ANO2: variants seen among roughly 807,000 people sequenced by gnomAD.
The protein encoded by ANO2 is anoctamin 2.
Under a neutral mutation model 124.2 loss-of-function variants are expected in ANO2, and 101 were observed. The observed-to-expected ratio is 0.81, with a 90% CI of 0.69 to 0.96. ANO2 has a LOEUF of 0.96. Among genes scored for constraint, ANO2 ranks in the 40% least tolerant of loss-of-function variants. The probability of loss-of-function intolerance (pLI) is 0.00; values close to 1 mark genes in which losing one functional copy is unlikely to be tolerated. For synonymous variants in ANO2, 486 were observed against 482.5 expected (o/e 1.01, Z -0.09); for missense variants, 1,293 against 1,274.5 (o/e 1.01, Z -0.22).
At chr12:5,764,966 T>C (rs1223497985) in intron 10 of ANO2, among the ~76,000 whole-genome samples, 1 of 151,820 alleles carries the variant, frequency 6.6e-6, no homozygotes, top group Non-Finnish European at 1.5e-5. Flanking sequence ...AAGGAAGGAA[T>C]AGGATATTGT....
intron 14 of ANO2, 48 bp downstream of exon 14, chr12:5,732,472 G>T: frequency 6.6e-7 from 1 of 1,516,422 alleles, no homozygotes. Flanking sequence ...ATGACAACAG[G>T]ATCTCAACAA....
At chr12:5,850,285 G>C (rs56341078) in intron 4 of ANO2, among the ~76,000 whole-genome samples, 29,266 of 151,632 alleles carry the variant, frequency 0.19, 3,246 homozygotes, top group Non-Finnish European at 0.24. Context: ...GCGTGGTGGC[G>C]CGTACTTATA....
rs1233068338 is a variant in ANO2, at chr12:5,635,997, G to C, written c.1621-650C>G. Among the ~76,000 whole-genome samples the C allele has an allele frequency of 6.6e-6, 1 of 152,146 alleles. No individual in the cohort carries two copies. Among genetic ancestry groups the C allele is most frequent in the South Asian group, 2.1e-4 (1 of 4,822 alleles). ...AAGGAGAAAAGAGGGAATACATCAG[G>C]AGTGAGATTTTAGGAATCTCAGTCC... On this transcript the variant is annotated intron_variant, in intron 15 of 24. Coordinates refer to ENST00000682330, the MANE Select transcript of ANO2 (RefSeq NM_001364791.2). This position sits in a 1 kb window ranked among gnomAD's most constrained non-coding sequence, Gnocchi z 5.2.
intron 1 of ANO2, among the ~76,000 whole-genome samples, chr12:5,923,150 ATACACACACG>A (rs1459596471): frequency 7.1e-5 from 8 of 113,304 alleles, no homozygotes; most frequent in African/African-American, 2.4e-4. Flanking sequence ...ACATGCACAC[ATACACACACG>A]CATACACACA....
intron 4 of ANO2, among the ~76,000 whole-genome samples, chr12:5,834,955 C>T (rs1053089192): frequency 3.3e-5 from 5 of 152,118 alleles, no homozygotes; most frequent in Non-Finnish European, 7.3e-5. Flanking sequence ...AGATATCTTT[C>T]CAGGACAGTT....
In ANO2 at chr12:5,616,823, C is replaced by T. The variant is rs79524145; in HGVS notation, c.1817-1526G>A. 5.5e-3 allele frequency among the ~76,000 whole-genome samples: 845 copies of T among 152,256 alleles called. 3 individuals carry two copies. The highest frequency in any genetic ancestry group is 0.019 in the African/African-American group (792 of 41,528). Reference sequence around the variant, plus strand: ...TATATAGGTGAGTTACTACCACACTCTCCAGATCAGACTGTACAACACTCT... The same window carrying T: ...TATATAGGTGAGTTACTACCACACTTTCCAGATCAGACTGTACAACACTCT... On this transcript the variant is annotated intron_variant, in intron 16 of 24. Transcript: ENST00000682330.
chr12:5,618,248 C>T (rs1377160433), intron 16 of ANO2, among the ~76,000 whole-genome samples: 3 of 152,158 alleles, frequency 2.0e-5, no homozygotes, highest in Non-Finnish European at 2.9e-5. Context: ...TGAACCTGCT[C>T]CCACAATCAG....
chr12:5,815,150 A>T (rs1456587771), intron 7 of ANO2, among the ~76,000 whole-genome samples: 1 of 152,244 alleles, frequency 6.6e-6, no homozygotes, highest in East Asian at 1.9e-4. Context: ...AATAGATCTC[A>T]CAAAACCTAC....
In ANO2 at chr12:5,832,621, A is replaced by G. The variant is rs1341704264; in HGVS notation, c.634-18T>C. 8 of 1,603,086 alleles carry G rather than the reference A, an allele frequency of 5.0e-6. No individual in the cohort carries two copies. The African/African-American group carries it at 6.7e-5, about 13-fold the overall frequency. On this transcript the variant is annotated intron_variant, in intron 4 of 24. Coordinates refer to ENST00000682330, the MANE Select transcript of ANO2 (RefSeq NM_001364791.2). ...TCGTACATCTATGAAAGGAAGAGCC[A>G]CAGGTCTGAAAAGGGGGCCACTTCC...
chr12:5,757,174 C>A lies in ANO2; in HGVS notation c.1056-6204G>T, dbSNP rs569951882. ...ATTTTGTATATAGATGGTTGCTAAA[C>A]AGGTGTTTCAGTAGAAGGGTGAGGC... On this transcript the variant is annotated intron_variant, in intron 10 of 24. Transcript: ENST00000682330. Among the ~76,000 whole-genome samples, 15 of 152,346 alleles carry A rather than the reference C, an allele frequency of 9.8e-5. No homozygotes were observed. In the East Asian group the frequency reaches 2.9e-3, roughly 29 times the overall value.
At position 5,908,415 on chromosome 12, in the gene ANO2, C is replaced by T. The variant is rs1378777704; in HGVS notation, c.534+12625G>A. 6.6e-6 allele frequency among the ~76,000 whole-genome samples: 1 copy of T among 152,144 alleles called. No individual in the cohort carries two copies. Among genetic ancestry groups the T allele is most frequent in the Non-Finnish European group, 1.5e-5 (1 of 68,054 alleles). ...ATTCCTGAGTGGAAACTCAACAAGG[C>T]AGTAATACGAACACCAGCAGTCACC... is the stretch of plus-strand genomic sequence containing the variant. On this transcript the variant is annotated intron_variant, in intron 3 of 24. Transcript: ENST00000682330. The surrounding 1 kb of genome is among the most constrained non-coding windows in gnomAD (Gnocchi z 4.7).
At chr12:5,643,390 T>C (rs1946479489) in intron 15 of ANO2, among the ~76,000 whole-genome samples, 1 of 152,246 alleles carries the variant, frequency 6.6e-6, no homozygotes, top group South Asian at 2.1e-4. Flanking sequence ...GTTTGCTCAT[T>C]TTCATGACTG....
intron 3 of ANO2, among the ~76,000 whole-genome samples, chr12:5,914,913 C>T (rs76538121): frequency 0.069 from 10,533 of 152,216 alleles, 550 homozygotes; most frequent in South Asian, 0.22. Flanking sequence ...CTGCCCTGCT[C>T]GCTCTCTGGG....
chr12:5,806,948 G>C (rs1459294784), intron 8 of ANO2, among the ~76,000 whole-genome samples: 1 of 152,208 alleles, frequency 6.6e-6, no homozygotes, highest in Non-Finnish European at 1.5e-5. Flanking sequence ...ACGCCTTTCA[G>C]TCTCCTTCCA....
chr12:5,919,968 A>G (rs1941602178), intron 3 of ANO2, among the ~76,000 whole-genome samples: 1 of 151,796 alleles, frequency 6.6e-6, no homozygotes, highest in South Asian at 2.1e-4. Context: ...AAGTGCTGGG[A>G]TTACAGGCGT....
chr12:5,582,870 G>C (rs1942830258), intron 20 of ANO2, among the ~76,000 whole-genome samples: 1 of 151,954 alleles, frequency 6.6e-6, no homozygotes, highest in African/African-American at 2.4e-5. Flanking sequence ...CTCAAACTTC[G>C]CCTTCTGTAT....
rs1946719036 is a variant in ANO2, at chr12:5,647,775, C to T, written c.1572G>A (p.Lys524=). The T allele has an allele frequency of 6.2e-7, 1 of 1,610,266 alleles. No individual in the cohort carries two copies. The highest frequency in any genetic ancestry group is 1.1e-5 in the South Asian group (1 of 89,594). ...DEDDEDKLTW[K]DRFPGYLMNF... is the part of the protein sequence containing the mutation. ...TCATCAGGTAACCTGGGAAACGATC[C>T]TTCCAGGTCAGTTTATCTTCATCAT... Residue 524 remains lysine, a synonymous_variant, in exon 15 of 25, where the codon AAG becomes AAA. Coordinates refer to ENST00000682330, the MANE Select transcript of ANO2 (RefSeq NM_001364791.2).
intron 23 of ANO2, 48 bp from the exon 24 acceptor site, chr12:5,565,711 AG>A (rs1209380409): frequency 2.0e-6 from 3 of 1,471,042 alleles, no homozygotes; most frequent in Non-Finnish European, 2.8e-6. Context: ...CATGGAGAAA[AG>A]GGTGGTCATT....
intron 3 of ANO2, among the ~76,000 whole-genome samples, chr12:5,861,697 G>T (rs960566468): frequency 1.3e-5 from 2 of 152,162 alleles, no homozygotes; most frequent in African/African-American, 4.8e-5. Flanking sequence ...CTGTAAGGAA[G>T]GGTGGGGGGA....
Sources: allele counts gnomAD v4.1 joint callset (sites outside exome capture counted in the v4.1 genomes callset), GRCh38; gene constraint gnomAD v4.1.1; non-coding constraint Gnocchi (gnomAD v3.1); transcripts MANE v1.5; gene names NCBI Gene and HGNC (gene_info 2026-07-23, HGNC 2026-07-21).